MAPT: variants seen among roughly 807,000 people sequenced by gnomAD.
MAPT encodes the protein microtubule-associated protein tau.
A neutral mutation model predicts 67.9 loss-of-function variants in MAPT; 34 were observed. The observed-to-expected ratio is 0.50, with a 90% CI of 0.38 to 0.67. The LOEUF is 0.67. Ranked by LOEUF, MAPT falls within the 30% of genes least tolerant of loss-of-function variation. The pLI, the probability that MAPT is intolerant of heterozygous loss-of-function variation, is 0.00. For synonymous variants in MAPT, 456 were observed against 464.5 expected, an observed-to-expected ratio of 0.98 and a Z score of 0.23; for missense variants, 881 against 1,115.2, an observed-to-expected ratio of 0.79 and a Z score of 2.99.
At chr17:45,964,027 C>G (rs747010164) in intron 2 of MAPT, among the ~76,000 whole-genome samples, 1 of 151,948 alleles carries the variant, frequency 6.6e-6, no homozygotes, top group Non-Finnish European at 1.5e-5. Context: ...TGAGAGGGAC[C>G]GGGGAATGCA....
chr17:46,019,621 G>A (rs189074821), intron 12 of MAPT, among the ~76,000 whole-genome samples: 138 of 151,448 alleles, frequency 9.1e-4, no homozygotes, highest in Non-Finnish European at 1.5e-3. Flanking sequence ...TGCCCACCTC[G>A]GCCTCCCAAG....
At chr17:45,903,491 G>C (rs1041864513) in intron 1 of MAPT, among the ~76,000 whole-genome samples, 3 of 151,600 alleles carry the variant, frequency 2.0e-5, no homozygotes, top group Non-Finnish European at 2.9e-5. Context: ...AGGCCGAGGC[G>C]GGCAGATCAT....
chr17:46,011,902 G>A (rs1480127505), intron 10 of MAPT, among the ~76,000 whole-genome samples: 3 of 152,166 alleles, frequency 2.0e-5, no homozygotes, highest in Non-Finnish European at 2.9e-5. Context: ...CTTGCCCTGC[G>A]GCTGCTGCAT....
At chr17:45,988,241 G>A (rs971213021) in intron 6 of MAPT, among the ~76,000 whole-genome samples, 21 of 152,200 alleles carry the variant, frequency 1.4e-4, no homozygotes, top group Non-Finnish European at 2.2e-4. Context: ...GGCCTTGGCC[G>A]CTTCCATGGG....
chr17:45,923,436 G>A lies in MAPT; in HGVS notation c.-18+28750G>A, dbSNP rs747380124. On this transcript the variant is annotated intron_variant, in intron 1 of 12. Transcript: ENST00000262410. Reference sequence around the variant, plus strand: ...GACAACCCCCAGGAAGGGCACCCTGGAAGGGGTCCGGCTGTCCCTGATTTA... The same window carrying A: ...GACAACCCCCAGGAAGGGCACCCTGAAAGGGGTCCGGCTGTCCCTGATTTA... Among the ~76,000 whole-genome samples, 8 of 152,346 alleles carry A rather than the reference G, an allele frequency of 5.3e-5. No homozygotes were observed. In the South Asian group the frequency reaches 6.2e-4, roughly 12 times the overall value.
At chr17:45,943,247 G>T (rs2068158038) in intron 1 of MAPT, among the ~76,000 whole-genome samples, 1 of 152,306 alleles carries the variant, frequency 6.6e-6, no homozygotes, top group South Asian at 2.1e-4. Flanking sequence ...TAAAGATGTT[G>T]TTTTGCTGTG....
chr17:45,968,557 T>C (rs975168851), intron 2 of MAPT, among the ~76,000 whole-genome samples: 1 of 152,190 alleles, frequency 6.6e-6, no homozygotes, highest in South Asian at 2.1e-4. Context: ...ATTTCCAGAC[T>C]AAAAGTCCCC....
chr17:45,982,885 C>G lies in MAPT; in HGVS notation c.306C>G (p.Gly102=), dbSNP rs1478992218. The part of the protein sequence containing the change: ...HVTQEELRVP[G]RQRKAPERPL... The stretch of plus-strand genomic sequence containing the variant: ...AACCAGAGGAGTTGAGAGTTCCGGG[C>G]CGGCAGAGGAAGGCGCCTGAAAGGC... Residue 102 remains glycine (G), a synonymous_variant, in exon 5 of 13, where the codon GGC becomes GGG. Coordinates refer to ENST00000262410, the MANE Select transcript of MAPT (RefSeq NM_001377265.1). The G allele has an allele frequency of 1.5e-6, 2 of 1,322,588 alleles. No homozygotes were observed. Among genetic ancestry groups the G allele is most frequent in the Non-Finnish European group, 1.9e-6 (2 of 1,037,048 alleles). The allele number at this position is 1,322,588 out of a possible 1,614,324, so 81.9% of individuals were successfully genotyped here.
At chr17:45,993,874 C>T (rs776407874) in intron 8 of MAPT, 8 of 1,535,520 alleles carry the variant, frequency 5.2e-6, no homozygotes, top group Non-Finnish European at 7.1e-6. Context: ...TCATTAAGGC[C>T]CTGTTTAAGC....
At chr17:45,964,187 C>CTTTGT (rs1205250487) in intron 2 of MAPT, among the ~76,000 whole-genome samples, 3 of 146,228 alleles carry the variant, frequency 2.1e-5, no homozygotes, top group Admixed American at 6.7e-5. Context: ...CTGTTTTCTC[C>CTTTGT]TTTGTTTTGT....
chr17:46,007,121 A>G (rs2075500668), intron 9 of MAPT, among the ~76,000 whole-genome samples: 2 of 151,928 alleles, frequency 1.3e-5, no homozygotes, highest in South Asian at 2.1e-4. Context: ...GTACCCCACA[A>G]GTATATACAC....
At chr17:45,999,629 T>C in intron 9 of MAPT, 1 of 1,611,252 alleles carries the variant, frequency 6.2e-7, no homozygotes, top group Non-Finnish European at 8.5e-7. Context: ...CCTCTGCCCA[T>C]GAGGGGTGAG....
intron 1 of MAPT, among the ~76,000 whole-genome samples, chr17:45,923,682 A>G (rs544074394): frequency 3.2e-4 from 49 of 152,238 alleles, no homozygotes; most frequent in Admixed American, 7.2e-4. Flanking sequence ...CTTGAATAAT[A>G]CAACCAGTGG....
chr17:45,922,164 C>T (rs2065799088), intron 1 of MAPT, among the ~76,000 whole-genome samples: 1 of 152,014 alleles, frequency 6.6e-6, no homozygotes, highest in African/African-American at 2.4e-5. Flanking sequence ...AAGCATGCAG[C>T]ACCACACCTG....
chr17:45,941,713 T>TCCTTCCTTCCTTCCTG (rs2067988558), intron 1 of MAPT, among the ~76,000 whole-genome samples: 4 of 110,996 alleles, frequency 3.6e-5, no homozygotes, highest in Non-Finnish European at 5.4e-5. Context: ...CTGCCTTCCT[T>TCCTTCCTTCCTTCCTG]CCTTCCTTCC....
At chr17:45,904,304 TA>T (rs2064089099) in intron 1 of MAPT, among the ~76,000 whole-genome samples, 2 of 44,984 alleles carry the variant, frequency 4.4e-5, no homozygotes, top group Non-Finnish European at 9.3e-5. Context: ...ATATATAATA[TA>T]TATAAAAACA....
Position 45,941,701 on chromosome 17 carries a change from G to GCCTGCCTT in MAPT, c.-17-20616_-17-20609dup, listed in dbSNP as rs1182475716. On this transcript the variant is annotated intron_variant, in intron 1 of 12. Transcript: ENST00000262410. ...TTCCCTCCTTCCTTCCTTCCTTCCT[G>GCCTGCCTT]CCTGCCTTCCTTCCTTCCTTCCTTC... 2.1e-3 allele frequency among the ~76,000 whole-genome samples: 151 copies of GCCTGCCTT among 73,538 alleles called. 2 individuals are homozygous for GCCTGCCTT. Among genetic ancestry groups the GCCTGCCTT allele is most frequent in the African/African-American group, 9.5e-3 (146 of 15,356 alleles). 48.2% of individuals were successfully genotyped at this position (73,538 alleles called of 152,430 possible).
intron 1 of MAPT, among the ~76,000 whole-genome samples, chr17:45,936,301 G>A (rs1288432139): frequency 6.6e-6 from 1 of 152,172 alleles, no homozygotes; most frequent in African/African-American, 2.4e-5. Flanking sequence ...CAACTGCTCA[G>A]CCAGAGTTGA....
intron 3 of MAPT, chr17:45,976,828 A>T (rs1360820254): frequency 6.6e-6 from 1 of 152,276 alleles, no homozygotes; most frequent in Non-Finnish European, 1.5e-5. Context: ...ACTGTGTGTG[A>T]CAGCAAGGCA....
Sources: gnomAD v4.1 joint callset for allele counts (sites outside exome capture counted in the v4.1 genomes callset) on GRCh38, gnomAD v4.1.1 for gene constraint, MANE v1.5 for transcripts, NCBI Gene and HGNC (gene_info 2026-07-23, HGNC 2026-07-21) for gene names.